The following PCDHGA3 variants were observed in gnomAD, a reference collection of about 807,000 sequenced individuals.
The protein encoded by PCDHGA3 is protocadherin gamma-A3.
In PCDHGA3, 40 loss-of-function variants were observed where a neutral mutation model predicts 58.5. That is an observed-to-expected ratio of 0.68 (90% CI 0.53 to 0.89). The LOEUF (loss-of-function observed/expected upper bound fraction) is 0.89, where lower values mean the gene tolerates loss of function less well. Ranked by LOEUF, PCDHGA3 falls within the 40% of genes least tolerant of loss-of-function variation. The pLI, the probability that PCDHGA3 is intolerant of heterozygous loss-of-function variation, is 0.00. For missense variants in PCDHGA3, 1,223 were observed against 1,195.9 expected (o/e 1.02, Z -0.33); for synonymous variants, 530 against 525.7 (o/e 1.01, Z -0.11).
intron 1 of PCDHGA3, among the ~76,000 whole-genome samples, chr5:141,460,682 T>A (rs957470916): frequency 3.3e-5 from 5 of 152,134 alleles, no homozygotes; most frequent in African/African-American, 1.2e-4. Flanking sequence ...TATATCTATA[T>A]ATCCACCAAC....
Position 141,425,378 on chromosome 5 carries a change from C to T in PCDHGA3, c.2425-69429C>T, listed in dbSNP as rs372445707. Among the ~76,000 whole-genome samples the T allele has an allele frequency of 1.6e-4, 25 of 152,174 alleles. 1 individual carries two copies. The highest frequency in any genetic ancestry group is 3.9e-4 in the African/African-American group (16 of 41,522). On this transcript the variant is annotated intron_variant, in intron 1 of 3. Transcript: ENST00000253812. ...TGATATTAAGAGGGTTATGTTGATTCGGAGGTAGTGATAAAGTTCTGTTAA... is the reference window on the plus strand; with the variant it reads ...TGATATTAAGAGGGTTATGTTGATTTGGAGGTAGTGATAAAGTTCTGTTAA...
In PCDHGA3 at chr5:141,477,101, G is replaced by A. The variant is rs770640663; in HGVS notation, c.2425-17706G>A. On this transcript the variant is annotated intron_variant, in intron 1 of 3. Transcript: ENST00000253812. The surrounding 1 kb of genome is among the most constrained non-coding windows in gnomAD (Gnocchi z 4.9). ...TTACATCCAGGCCAAAGACAAGGGC[G>A]CCAATCCCGAAGGAGCACATTGCAA... 2 of 1,614,262 alleles carry A rather than the reference G, an allele frequency of 1.2e-6. No individual in the cohort carries two copies. Among genetic ancestry groups the A allele is most frequent in the East Asian group, 2.2e-5 (1 of 44,884 alleles).
chr5:141,405,599 A>G, intron 1 of PCDHGA3: 2 of 575,638 alleles, frequency 3.5e-6, no homozygotes, highest in South Asian at 4.5e-5. Flanking sequence ...CCTCCCAAGT[A>G]GAATAACTGG....
In PCDHGA3 at chr5:141,486,017, A is replaced by G. The variant is rs746747518; in HGVS notation, c.2425-8790A>G. On this transcript the variant is annotated intron_variant, in intron 1 of 3. Transcript: ENST00000253812. The surrounding 1 kb of genome is among the most constrained non-coding windows in gnomAD (Gnocchi z 5.0). ...CAGTGGTAACGTCACCTTTTATTTC[A>G]GTGGTCATACCCCTGATCGTGTAAG... The G allele has an allele frequency of 6.2e-7, 1 of 1,614,176 alleles. No homozygotes were observed. The highest frequency in any genetic ancestry group is 1.7e-5 in the Admixed American group (1 of 60,026).
At position 141,365,079 on chromosome 5, in the gene PCDHGA3, G is replaced by A. The variant is rs748153099; in HGVS notation, c.2424+18622G>A. 1.9e-5 allele frequency: 31 copies of A among 1,613,864 alleles called. No homozygotes were observed. The South Asian group carries it at 3.4e-4, about 18-fold the overall frequency. On this transcript the variant is annotated intron_variant, in intron 1 of 3. Coordinates refer to ENST00000253812, the MANE Select transcript of PCDHGA3 (RefSeq NM_018916.4). ...TTCACCCCATCCGAGTACAGCGTGAGTGTTCCAGAGAACATACCTGTGGGC... is the reference window on the plus strand; with the variant it reads ...TTCACCCCATCCGAGTACAGCGTGAATGTTCCAGAGAACATACCTGTGGGC...
chr5:141,396,951 A>G (rs1444720599), intron 1 of PCDHGA3, among the ~76,000 whole-genome samples: 1 of 152,210 alleles, frequency 6.6e-6, no homozygotes, highest in African/African-American at 2.4e-5. Flanking sequence ...TAGGAAAGAA[A>G]ATCCTTACTC....
At chr5:141,403,284 A>C in intron 1 of PCDHGA3, 1 of 1,613,912 alleles carries the variant, frequency 6.2e-7, no homozygotes. Flanking sequence ...GTCCTGGTTG[A>C]AGACAGAGTG....
intron 1 of PCDHGA3, chr5:141,427,531 A>C: frequency 1.6e-6 from 1 of 620,632 alleles, no homozygotes. Flanking sequence ...ATCCCGGAGT[A>C]CAACGTCACC....
At chr5:141,405,505 C>T (rs573282216) in intron 1 of PCDHGA3, 22 of 751,126 alleles carry the variant, frequency 2.9e-5, no homozygotes, top group Admixed American at 1.7e-4. Flanking sequence ...TTGCAACCTC[C>T]GCCTCCCAAA....
intron 2 of PCDHGA3, among the ~76,000 whole-genome samples, chr5:141,505,092 G>A (rs965653546): frequency 5.9e-5 from 9 of 152,170 alleles, no homozygotes; most frequent in African/African-American, 2.2e-4. Flanking sequence ...AACCCAGGAG[G>A]TGGATGTTGC....
chr5:141,408,345 G>A (rs370026579), intron 1 of PCDHGA3: 3 of 1,613,812 alleles, frequency 1.9e-6, no homozygotes, highest in Non-Finnish European at 2.5e-6. Context: ...TCGGTGGTGG[G>A]GAACCTCGCT....
chr5:141,409,879 A>C, intron 1 of PCDHGA3: 1 of 1,612,852 alleles, frequency 6.2e-7, no homozygotes. Context: ...ATGACAACGC[A>C]CCGCGGGTGC....
rs2154555227 is a variant in PCDHGA3, at chr5:141,432,737, C to G, written c.2425-62070C>G. ...GCCCCCTCTCTCCGCCACTGTCACG[C>G]TCACCGTGGCCGTGGCCGACAGCAT... On this transcript the variant is annotated intron_variant, in intron 1 of 3. Coordinates refer to ENST00000253812, the MANE Select transcript of PCDHGA3 (RefSeq NM_018916.4). This position sits in a 1 kb window ranked among gnomAD's most constrained non-coding sequence, Gnocchi z 6.0. 6.2e-7 allele frequency: 1 copy of G among 1,614,110 alleles called. No homozygotes were observed. The highest frequency in any genetic ancestry group is 8.5e-7 in the Non-Finnish European group (1 of 1,180,002).
chr5:141,370,759 T>A, intron 1 of PCDHGA3: 1 of 1,614,022 alleles, frequency 6.2e-7, no homozygotes, highest in Non-Finnish European at 8.5e-7. Context: ...GTAACTGTGC[T>A]GATCCAGGAT....
rs768079276 is a variant in PCDHGA3, at chr5:141,490,997, G to A, written c.2425-3810G>A. On this transcript the variant is annotated intron_variant, in intron 1 of 3. Transcript: ENST00000253812. The surrounding 1 kb of genome is among the most constrained non-coding windows in gnomAD (Gnocchi z 5.4). ...CGTCTCCCTCGCTCTGCTCCTCCTG[G>A]CTCCTTGGTCACCAAGGTGACAGCC... 1.2e-6 allele frequency: 2 copies of A among 1,614,032 alleles called. No individual in the cohort carries two copies. Among genetic ancestry groups the A allele is most frequent in the Admixed American group, 1.7e-5 (1 of 60,030 alleles).
chr5:141,492,460 G>T (rs2099740851), intron 1 of PCDHGA3, among the ~76,000 whole-genome samples: 1 of 152,218 alleles, frequency 6.6e-6, no homozygotes, highest in African/African-American at 2.4e-5. Flanking sequence ...GCGCGCCTGA[G>T]GGTCCCAGAT....
chr5:141,449,936 T>C (rs1016569958), intron 1 of PCDHGA3, among the ~76,000 whole-genome samples: 4 of 151,978 alleles, frequency 2.6e-5, no homozygotes, highest in African/African-American at 9.6e-5. Context: ...CCTTATAGTA[T>C]ATTTTACTAT....
At chr5:141,428,117 G>T in intron 1 of PCDHGA3, 2 of 1,607,102 alleles carry the variant, frequency 1.2e-6, no homozygotes, top group East Asian at 2.2e-5. Context: ...AGGCCATCGA[G>T]CCCGGGCTTT....
chr5:141,469,677 T>C (rs1271778909), intron 1 of PCDHGA3, among the ~76,000 whole-genome samples: 1 of 152,246 alleles, frequency 6.6e-6, no homozygotes, highest in African/African-American at 2.4e-5. Context: ...TAAAACTACA[T>C]ATGCATTGGT....
Sources: allele counts gnomAD v4.1 joint callset (sites outside exome capture counted in the v4.1 genomes callset), GRCh38; gene constraint gnomAD v4.1.1; non-coding constraint Gnocchi (gnomAD v3.1); transcripts MANE v1.5; gene names NCBI Gene and HGNC (gene_info 2026-07-23, HGNC 2026-07-21).